Variants in SPARCL1 observed in about 807,000 individuals in gnomAD.
The protein encoded by SPARCL1 is SPARC like 1, also known as SPARC-like protein 1.
A neutral mutation model predicts 67.1 loss-of-function variants in SPARCL1; 52 were observed. The ratio of observed to expected loss-of-function variants is 0.78; its 90% CI spans 0.62 to 0.98. The LOEUF (loss-of-function observed/expected upper bound fraction) is 0.98. Among genes scored for constraint, SPARCL1 ranks in the 50% least tolerant of loss-of-function variants. The probability of loss-of-function intolerance (pLI) is 0.00; values close to 1 mark genes in which losing one functional copy is unlikely to be tolerated. For synonymous variants in SPARCL1, 226 were observed against 267.8 expected (o/e 0.84, Z 1.52); for missense variants, 717 against 782.4 (o/e 0.92, Z 1.00).
chr4:87,510,297 G>A (rs1229822263), intron 1 of SPARCL1, among the ~76,000 whole-genome samples: 2 of 152,098 alleles, frequency 1.3e-5, no homozygotes, highest in African/African-American at 4.8e-5. Flanking sequence ...AGAAACTGTA[G>A]GCATACAGGG....
At chr4:87,511,425 A>G (rs1486027091) in intron 1 of SPARCL1, among the ~76,000 whole-genome samples, 1 of 152,174 alleles carries the variant, frequency 6.6e-6, no homozygotes, top group Non-Finnish European at 1.5e-5. Flanking sequence ...GAATTTGAGT[A>G]GAGATATCTA....
Position 87,479,488 on chromosome 4 carries a change from G to A in SPARCL1, c.1908C>T (p.Pro636=). Residue 636 remains proline (P), a synonymous_variant, in exon 10 of 11, where the codon CCC becomes CCT. Coordinates refer to ENST00000282470, the MANE Select transcript of SPARCL1 (RefSeq NM_004684.6). ...TCAGGGTGATGTGCTTATCCTTGTTGGGGTCACACTCCTCAAAGAAACGGG... is the reference window on the plus strand; with the variant it reads ...TCAGGGTGATGTGCTTATCCTTGTTAGGGTCACACTCCTCAAAGAAACGGG... The part of the protein sequence containing the change: ...CITRFFEECD[P]NKDKHITLKE... 6.2e-7 allele frequency: 1 copy of A among 1,614,058 alleles called. No homozygotes were observed. The highest frequency in any genetic ancestry group is 8.5e-7 in the Non-Finnish European group (1 of 1,179,998).
intron 6 of SPARCL1, 135 bp downstream of exon 6, chr4:87,490,625 G>A: frequency 1.3e-6 from 1 of 762,100 alleles, no homozygotes; most frequent in South Asian, 1.9e-5. Flanking sequence ...AACTGCAGAT[G>A]TTCCAAATAT....
intron 10 of SPARCL1, among the ~76,000 whole-genome samples, chr4:87,479,219 C>G (rs966301576): frequency 1.3e-5 from 2 of 152,202 alleles, no homozygotes; most frequent in Admixed American, 1.3e-4. Flanking sequence ...TTCACCCTTG[C>G]TACCCTTTGA....
intron 1 of SPARCL1, among the ~76,000 whole-genome samples, chr4:87,527,900 C>G (rs1456607603): frequency 6.6e-6 from 1 of 151,824 alleles, no homozygotes. Flanking sequence ...ATAGTCACAA[C>G]CATCAGGTTT....
chr4:87,520,243 T>C, intron 1 of SPARCL1, among the ~76,000 whole-genome samples: 1 of 44,040 alleles, frequency 2.3e-5, no homozygotes, highest in Admixed American at 2.9e-4. Context: ...CCAGACACTG[T>C]CTCAAAAAAA....
intron 7 of SPARCL1, among the ~76,000 whole-genome samples, chr4:87,486,342 G>T (rs1313261221): frequency 2.6e-5 from 4 of 152,148 alleles, no homozygotes; most frequent in African/African-American, 9.7e-5. Flanking sequence ...TCATTCAGGA[G>T]CAGGTTGTTC....
chr4:87,479,648 C>T, intron 9 of SPARCL1, 70 bp from the exon 10 acceptor site: 1 of 1,490,446 alleles, frequency 6.7e-7, no homozygotes, highest in Non-Finnish European at 9.2e-7. Context: ...TCAGGCTCAC[C>T]AAGGACATTT....
intron 10 of SPARCL1, among the ~76,000 whole-genome samples, chr4:87,477,730 A>C (rs1025048809): frequency 6.6e-6 from 1 of 152,134 alleles, no homozygotes; most frequent in African/African-American, 2.4e-5. Context: ...GCCGCACTGC[A>C]TGACCCCTTG....
chr4:87,481,704 A>G (rs111891106), intron 8 of SPARCL1, among the ~76,000 whole-genome samples: 37 of 152,208 alleles, frequency 2.4e-4, no homozygotes, highest in Middle Eastern at 3.2e-3. Context: ...ACATACTTAT[A>G]CATATATTTG....
chr4:87,510,226 T>C (rs1448275814), intron 1 of SPARCL1, among the ~76,000 whole-genome samples: 2 of 152,112 alleles, frequency 1.3e-5, no homozygotes, highest in African/African-American at 4.8e-5. Flanking sequence ...CGCATGTCTC[T>C]TCCCGATTCT....
In SPARCL1 at chr4:87,499,586, C is replaced by G; in HGVS notation, c.-11-1G>C. 6.3e-7 allele frequency: 1 copy of G among 1,583,892 alleles called. No homozygotes were observed. Among genetic ancestry groups the G allele is most frequent in the African/African-American group, 1.4e-5 (1 of 72,636 alleles). ...AGCCCAGTCTTCATGCTTTCCAGAT[C>G]TGTGAACCAAGAAGATAATTATCAG... On this transcript the variant is annotated splice_acceptor_variant, in intron 1 of 10. Transcript: ENST00000282470. LOFTEE classifies it low-confidence loss of function (5UTR_SPLICE).
chr4:87,496,441 ACTTCTGAACT>A (rs959108835), intron 2 of SPARCL1, among the ~76,000 whole-genome samples: 6 of 151,912 alleles, frequency 3.9e-5, no homozygotes, highest in African/African-American at 1.5e-4. Flanking sequence ...CTGGCCTCGA[ACTTCTGAACT>A]CAAGCAATCT....
Position 87,494,445 on chromosome 4 carries a change from T to A in SPARCL1, c.355A>T (p.Thr119Ser). 1 of 1,614,180 alleles carries A rather than the reference T, an allele frequency of 6.2e-7. No homozygotes were observed. Among genetic ancestry groups the A allele is most frequent in the Non-Finnish European group, 8.5e-7 (1 of 1,180,024 alleles). The stretch of plus-strand genomic sequence containing the variant: ...CTCATATCTTCTTTTATGTCCAATG[T>A]ACCTTCAGTTGGTGCATACTCCAAA... ...VNLEYAPTEGTLDIKEDMSEP... is the reference protein window; with the variant it reads ...VNLEYAPTEGSLDIKEDMSEP... Residue 119 changes from threonine to serine, a missense_variant, in exon 4 of 11, where the codon ACA becomes TCA. Coordinates refer to ENST00000282470, the MANE Select transcript of SPARCL1 (RefSeq NM_004684.6).
intron 1 of SPARCL1, among the ~76,000 whole-genome samples, chr4:87,517,032 T>C (rs1403673435): frequency 6.6e-6 from 1 of 152,240 alleles, no homozygotes; most frequent in African/African-American, 2.4e-5. Flanking sequence ...TGTCCTGTGT[T>C]ATAGTGGGAG....
Position 87,492,002 on chromosome 4 carries a change from C to T in SPARCL1, c.1219-312G>A, listed in dbSNP as rs1485049349. 4.9e-5 allele frequency among the ~76,000 whole-genome samples: 7 copies of T among 143,198 alleles called. No homozygotes were observed. In the East Asian group the frequency reaches 9.1e-4, roughly 19 times the overall value. 93.9% of individuals were successfully genotyped at this position (143,198 alleles called of 152,430 possible). A position where few individuals can be genotyped will look rare whatever the true frequency, so the allele number is the denominator to read the frequency against. The stretch of plus-strand genomic sequence containing the variant: ...GCATGATGGTGCATGCCTGTGGTCC[C>T]GGTTACTCAGGAAGCTAAGGTGGGA... On this transcript the variant is annotated intron_variant, in intron 4 of 10. Coordinates refer to ENST00000282470, the MANE Select transcript of SPARCL1 (RefSeq NM_004684.6).
intron 1 of SPARCL1, among the ~76,000 whole-genome samples, chr4:87,502,391 G>A (rs966449485): frequency 6.6e-6 from 1 of 152,056 alleles, no homozygotes; most frequent in Non-Finnish European, 1.5e-5. Context: ...ATAGTTTTAC[G>A]TCCTTTAACA....
chr4:87,515,628 A>G (rs982995921), intron 1 of SPARCL1, among the ~76,000 whole-genome samples: 2 of 152,206 alleles, frequency 1.3e-5, no homozygotes, highest in African/African-American at 4.8e-5. Flanking sequence ...CTCATTACCA[A>G]ACTTTCAGGA....
chr4:87,485,601 C>T (rs1724023528), intron 7 of SPARCL1, among the ~76,000 whole-genome samples: 1 of 93,006 alleles, frequency 1.1e-5, no homozygotes, highest in Non-Finnish European at 2.4e-5. Flanking sequence ...GGGAGGAGTC[C>T]CTCTTTTTCT....
Sources: gnomAD v4.1 joint callset for allele counts (sites outside exome capture counted in the v4.1 genomes callset) on GRCh38, gnomAD v4.1.1 for gene constraint, MANE v1.5 for transcripts, NCBI Gene and HGNC (gene_info 2026-07-23, HGNC 2026-07-21) for gene names.